Variants in GSE1 observed in about 807,000 individuals in gnomAD.
GSE1 encodes the protein Gse1 coiled-coil protein, also known as genetic suppressor element 1.
Under a neutral mutation model 112.6 loss-of-function variants are expected in GSE1, and 32 were observed. That is an observed-to-expected ratio of 0.28 (90% CI 0.21 to 0.38). The LOEUF (loss-of-function observed/expected upper bound fraction) is 0.38. Ranked by LOEUF, GSE1 falls within the 10% of genes least tolerant of loss-of-function variation. The probability of loss-of-function intolerance (pLI) is 1.00; values close to 1 mark genes in which losing one functional copy is unlikely to be tolerated. For missense variants in GSE1, 2,348 were observed against 1,699.2 expected (o/e 1.38, Z -6.71); for synonymous variants, 1,115 against 735.6 (o/e 1.52, Z -8.35).
chr16:85,230,766 G>C (rs1275337532), intron 1 of GSE1, among the ~76,000 whole-genome samples: 1 of 152,236 alleles, frequency 6.6e-6, no homozygotes, highest in Non-Finnish European at 1.5e-5. Context: ...TCCTGGGTTG[G>C]AGAGGGACAG....
intron 1 of GSE1, among the ~76,000 whole-genome samples, chr16:85,232,292 C>T (rs565102794): frequency 6.6e-6 from 1 of 152,298 alleles, no homozygotes; most frequent in South Asian, 2.1e-4. Context: ...TTTGAAAAGG[C>T]CAACCCTCGT....
chr16:85,195,819 A>ACAGAG (rs763583576), intron 1 of GSE1, among the ~76,000 whole-genome samples: 22 of 152,176 alleles, frequency 1.4e-4, no homozygotes, highest in Non-Finnish European at 2.5e-4. Flanking sequence ...CAGCAGCCTA[A>ACAGAG]TTCCATTTAC....
At chr16:85,654,771 T>G (rs1317858865) in intron 4 of GSE1, 23 bp from the exon 5 acceptor site, 1 of 1,552,992 alleles carries the variant, frequency 6.4e-7, no homozygotes, top group South Asian at 1.1e-5. Flanking sequence ...TGTCCCCACC[T>G]TGCCCACTAT....
chr16:85,369,192 A>G (rs2047244874), intron 2 of GSE1, among the ~76,000 whole-genome samples: 1 of 150,366 alleles, frequency 6.7e-6, no homozygotes, highest in Non-Finnish European at 1.5e-5. Flanking sequence ...GGGCCGTTTC[A>G]TCTCCTACAT....
intron 2 of GSE1, among the ~76,000 whole-genome samples, chr16:85,510,407 C>CGTGTGTGTGTGTCT (rs1555524669): frequency 2.1e-4 from 32 of 149,362 alleles, no homozygotes; most frequent in Non-Finnish European, 2.7e-4. Context: ...CCCGAGCGTG[C>CGTGTGTGTGTGTCT]GTGTGTGTGT....
chr16:85,512,891 A>G (rs1160030083), intron 2 of GSE1, among the ~76,000 whole-genome samples: 2 of 151,988 alleles, frequency 1.3e-5, no homozygotes, highest in East Asian at 1.9e-4. Context: ...GCAGCGGTGC[A>G]TCACCAGACA....
At chr16:85,515,453 C>G (rs990510135) in intron 2 of GSE1, among the ~76,000 whole-genome samples, 2 of 152,186 alleles carry the variant, frequency 1.3e-5, no homozygotes, top group East Asian at 1.9e-4. Flanking sequence ...TGGGGTCACC[C>G]TGAGAGTCTG....
intron 2 of GSE1, among the ~76,000 whole-genome samples, chr16:85,364,858 G>A (rs561373826): frequency 3.9e-5 from 6 of 152,310 alleles, no homozygotes; most frequent in Admixed American, 1.3e-4. Flanking sequence ...TGGGCGGTTC[G>A]TCCATGGTCC....
intron 2 of GSE1, among the ~76,000 whole-genome samples, chr16:85,397,862 G>A (rs1054837992): frequency 6.6e-6 from 1 of 152,128 alleles, no homozygotes; most frequent in Non-Finnish European, 1.5e-5. Context: ...AGCCCGCATA[G>A]AAGGAGGTGT....
rs1022389123 is a variant in GSE1 at position 85,626,971 on chromosome 16, C to T, written c.8-6943C>T. The stretch of plus-strand genomic sequence containing the variant: ...GAAGAACTAAGAACGAGATGGGTTC[C>T]GGAAAATAGCAGCTCGCTGGGCCAG... On this transcript the variant is annotated intron_variant, in intron 1 of 15. Transcript: ENST00000253458. Among the ~76,000 whole-genome samples, 51 of 146,952 alleles carry T rather than the reference C, an allele frequency of 3.5e-4. No homozygotes were observed. In the South Asian group the frequency reaches 8.1e-3, roughly 23 times the overall value.
chr16:85,221,707 T>C (rs1269335938), intron 1 of GSE1, among the ~76,000 whole-genome samples: 3 of 152,128 alleles, frequency 2.0e-5, no homozygotes, highest in African/African-American at 7.2e-5. Context: ...GCAGCAGCCC[T>C]TTAAGCCCAG....
chr16:85,527,736 G>C (rs1459458280), intron 2 of GSE1, among the ~76,000 whole-genome samples: 1 of 151,630 alleles, frequency 6.6e-6, no homozygotes, highest in Non-Finnish European at 1.5e-5. Context: ...CTCTGGAAGA[G>C]AGCGCACGGG....
chr16:85,444,283 CA>C (rs1425068100), intron 2 of GSE1, among the ~76,000 whole-genome samples: 1 of 152,170 alleles, frequency 6.6e-6, no homozygotes, highest in Non-Finnish European at 1.5e-5. Context: ...TATGCCCGGT[CA>C]GGGGGGTGCT....
intron 15 of GSE1, among the ~76,000 whole-genome samples, chr16:85,671,454 AAAAG>A (rs1218470146): frequency 2.0e-5 from 3 of 148,874 alleles, no homozygotes; most frequent in South Asian, 2.2e-4. Context: ...AAAAAAAAAA[AAAAG>A]ATCAAAATTT....
exon 1 of GSE1, chr16:85,171,290 C>G: frequency 1.0e-6 from 1 of 985,606 alleles, no homozygotes. Flanking sequence ...CAGGGCGGCC[C>G]CGTGTCCATC....
At position 85,188,202 on chromosome 16, in the gene GSE1, C is replaced by T. The variant is rs529057319; in HGVS notation, c.2283+16395C>T. On this transcript the variant is annotated intron_variant, in intron 1 of 2. Transcript: ENST00000637419. ...CTCATCTGAGAGACGGAGGGGCATT[C>T]AGACACGTGGTCCTTCACGGGGCTG... Among the ~76,000 whole-genome samples, 26 of 152,330 alleles carry T rather than the reference C, an allele frequency of 1.7e-4. No homozygotes were observed. The South Asian group carries it at 5.0e-3, about 29-fold the overall frequency.
Position 85,398,214 on chromosome 16 carries a change from G to A in GSE1, c.2464+40571G>A, listed in dbSNP as rs930723385. 6.6e-5 allele frequency among the ~76,000 whole-genome samples: 10 copies of A among 152,208 alleles called. 1 individual carries two copies. The highest frequency in any genetic ancestry group is 5.9e-4 in the Admixed American group (9 of 15,272). ...GTTCCCAGGATGGTTGTGAGCACTGGGTGAGATGAAGTGAGCAGGTGAAGA... is the reference window on the plus strand; with the variant it reads ...GTTCCCAGGATGGTTGTGAGCACTGAGTGAGATGAAGTGAGCAGGTGAAGA... On this transcript the variant is annotated intron_variant, in intron 2 of 2. Coordinates refer to the GSE1 transcript ENST00000637419.
chr16:85,336,078 C>T (rs1357831570), intron 1 of GSE1, among the ~76,000 whole-genome samples: 3 of 152,138 alleles, frequency 2.0e-5, no homozygotes, highest in African/African-American at 7.2e-5. Flanking sequence ...GTGGAGGCTG[C>T]CCCTGCCCCG....
chr16:85,503,501 T>C (rs1597982252), intron 2 of GSE1, among the ~76,000 whole-genome samples: 1 of 151,962 alleles, frequency 6.6e-6, no homozygotes, highest in African/African-American at 2.4e-5. Flanking sequence ...ATTACAGCTG[T>C]GAGACACGGC....
Sources: gnomAD v4.1 joint callset for allele counts (sites outside exome capture counted in the v4.1 genomes callset) on GRCh38, gnomAD v4.1.1 for gene constraint, MANE v1.5 for transcripts, NCBI Gene and HGNC (gene_info 2026-07-23, HGNC 2026-07-21) for gene names.